CILP: variants seen among roughly 807,000 people sequenced by gnomAD.
CILP encodes the protein cartilage intermediate layer protein 1.
CILP carries 75 observed loss-of-function variants against 82.5 expected under a neutral mutation model. The ratio of observed to expected loss-of-function variants is 0.91; its 90% CI spans 0.75 to 1.10. CILP has a LOEUF of 1.10. CILP is among the 50% of genes least tolerant of loss of function. CILP has a pLI of 0.00. For synonymous variants in CILP, 530 were observed against 580.3 expected (o/e 0.91, Z 1.25); for missense variants, 1,479 against 1,530.8 (o/e 0.97, Z 0.56).
chr15:65,196,625 T>C lies in CILP; in HGVS notation c.*106A>G. ...GGCATGAAGAAACAAACAAGCAAAT[T>C]CACGAAAACAGAAGTGCTTAAATTA... On this transcript the variant is annotated 3_prime_UTR_variant, in exon 9 of 9. Coordinates refer to ENST00000261883, the MANE Select transcript of CILP (RefSeq NM_003613.4). 9.7e-7 allele frequency: 1 copy of C among 1,028,530 alleles called. No homozygotes were observed. 63.7% of individuals were successfully genotyped at this position (1,028,530 alleles called of 1,614,324 possible).
rs369616199 is a variant in CILP at position 65,197,875 on chromosome 15, T to C, written c.2411A>G (p.Asn804Ser). The C allele has an allele frequency of 1.9e-4, 303 of 1,613,576 alleles. No homozygotes were observed. The highest frequency in any genetic ancestry group is 5.0e-4 in the Middle Eastern group (3 of 6,058). Residue 804 changes from asparagine (N) to serine (S), a missense_variant, in exon 9 of 9, where the codon AAC becomes AGC. Transcript: ENST00000261883. ...GRFDSVITGP[N>S]GACVPAFCDD... Reference sequence around the variant, plus strand: ...ACAGAAGGCAGGCACACAGGCCCCGTTGGGGCCTGTGATGACACTGTCAAA... The same window carrying C: ...ACAGAAGGCAGGCACACAGGCCCCGCTGGGGCCTGTGATGACACTGTCAAA...
At position 65,198,214 on chromosome 15, in the gene CILP, TCTGGCATCTTGAC is replaced by T. The variant is rs2088401307; in HGVS notation, c.2059_2071del (p.Val687SerfsTer6). On this transcript the variant is annotated frameshift_variant, in exon 9 of 9. Transcript: ENST00000261883. LOFTEE classifies it high-confidence loss of function. ...CCAGAGTTTCACTGTGGATATGTGC[TCTGGCATCTTGAC>T]CTGGGTCGAGTCAAGGTGGACCTTC... The T allele has an allele frequency of 6.2e-7, 1 of 1,614,290 alleles. No homozygotes were observed. Among genetic ancestry groups the T allele is most frequent in the East Asian group, 2.2e-5 (1 of 44,892 alleles).
chr15:65,199,581 G>A (rs1479905131), intron 8 of CILP, among the ~76,000 whole-genome samples: 1 of 152,238 alleles, frequency 6.6e-6, no homozygotes, highest in African/African-American at 2.4e-5. Context: ...CCAACAATTT[G>A]GGAGGCCAAG....
In CILP at chr15:65,203,396, C is replaced by T; in HGVS notation, c.994G>A (p.Ala332Thr). The change falls in exon 7 of 9, where the codon GCC becomes ACC. Residue 332 changes from alanine (A) to threonine (T), a missense_variant. Transcript: ENST00000261883. Reference sequence around the variant, plus strand: ...TTGTCTGGCCTGGGCTTCCCTGTGGCCTTACAGCACAGAGACACGCTCTGC... The same window carrying T: ...TTGTCTGGCCTGGGCTTCCCTGTGGTCTTACAGCACAGAGACACGCTCTGC... Reference protein sequence around the residue: ...AGQSVSLCCKATGKPRPDKYF... With the variant: ...AGQSVSLCCKTTGKPRPDKYF... 1 of 1,613,388 alleles carries T rather than the reference C, an allele frequency of 6.2e-7. No homozygotes were observed. Among genetic ancestry groups the T allele is most frequent in the Non-Finnish European group, 8.5e-7 (1 of 1,179,918 alleles).
At chr15:65,202,238 C>T (rs532704767) in intron 7 of CILP, among the ~76,000 whole-genome samples, 1 of 152,298 alleles carries the variant, frequency 6.6e-6, no homozygotes, top group Admixed American at 6.5e-5. Flanking sequence ...ACGTACCTGG[C>T]TGGGGATGCT....
rs1388703025 is a variant in CILP at position 65,209,834 on chromosome 15, C to T, written c.-79G>A. On this transcript the variant is annotated 5_prime_UTR_variant, in exon 2 of 9. Coordinates refer to ENST00000261883, the MANE Select transcript of CILP (RefSeq NM_003613.4). ...GAGTCACTGACTCTGGAATGCGGTC[C>T]CCTGGGAAGTTTCTCAGATCCAGTG... The T allele has an allele frequency of 7.7e-7, 1 of 1,305,844 alleles. No homozygotes were observed. Among genetic ancestry groups the T allele is most frequent in the Non-Finnish European group, 1.1e-6 (1 of 908,220 alleles). The allele number at this position is 1,305,844 out of a possible 1,614,324, so 80.9% of individuals were successfully genotyped here. A position where few individuals can be genotyped will look rare whatever the true frequency, so the allele number is the denominator to read the frequency against.
In CILP at chr15:65,197,398, G is replaced by A. The variant is rs755224607; in HGVS notation, c.2888C>T (p.Pro963Leu). The change falls in exon 9 of 9, where the codon CCA (proline) becomes CTA (leucine). Residue 963 changes from proline to leucine, a missense_variant. Transcript: ENST00000261883. ...ACYIKVKIVG[P>L]LEVNVRSRNM... ...GCGGGATCGCACATTCACTTCCAGT[G>A]GCCCCACAATCTTCACCTTGATATA... is the stretch of plus-strand genomic sequence containing the variant. 6.2e-7 allele frequency: 1 copy of A among 1,614,228 alleles called. No homozygotes were observed. The highest frequency in any genetic ancestry group is 8.5e-7 in the Non-Finnish European group (1 of 1,180,044).
At position 65,201,878 on chromosome 15, in the gene CILP, C is replaced by A. The variant is rs2088459626; in HGVS notation, c.1180G>T (p.Val394Phe). Residue 394 changes from valine to phenylalanine, a missense_variant, in exon 8 of 9, where the codon GTC becomes TTC. Coordinates refer to ENST00000261883, the MANE Select transcript of CILP (RefSeq NM_003613.4). Reference sequence around the variant, plus strand: ...GGGACCCAGACAGGCTTACCTATGACAATCAGCTGGGCAACCTTGGACTTC... The same window carrying A: ...GGGACCCAGACAGGCTTACCTATGAAAATCAGCTGGGCAACCTTGGACTTC... ...AVKSKVAQLI[V>F]IASDETPCNP... 1.9e-6 allele frequency: 3 copies of A among 1,546,686 alleles called. No individual in the cohort carries two copies. In the East Asian group the frequency reaches 7.3e-5, roughly 38 times the overall value.
chr15:65,210,017 G>A (rs188717022), intron 1 of CILP, among the ~76,000 whole-genome samples, 156 bp from the exon 2 acceptor site: 3 of 152,304 alleles, frequency 2.0e-5, no homozygotes, highest in East Asian at 3.9e-4. Flanking sequence ...CTTGGGAGGT[G>A]CAGAGGCTCA....
At position 65,195,712 on chromosome 15, in the gene CILP, A is replaced by G. The variant is rs1456035992; in HGVS notation, c.*1019T>C. The G allele has an allele frequency of 6.6e-6, 1 of 152,226 alleles. No individual in the cohort carries two copies. The highest frequency in any genetic ancestry group is 1.5e-5 in the Non-Finnish European group (1 of 68,046). 9.4% of individuals were successfully genotyped at this position (152,226 alleles called of 1,614,324 possible). A position where few individuals can be genotyped will look rare whatever the true frequency, so the allele number is the denominator to read the frequency against. ...AGCTTGTCAGACCCTGGGCCAAGCCATTGTATAAGCTCCAAAGTATTGGAA... is the reference window on the plus strand; with the variant it reads ...AGCTTGTCAGACCCTGGGCCAAGCCGTTGTATAAGCTCCAAAGTATTGGAA... On this transcript the variant is annotated 3_prime_UTR_variant, in exon 9 of 9. Coordinates refer to ENST00000261883, the MANE Select transcript of CILP (RefSeq NM_003613.4).
At chr15:65,208,657 C>G (rs991486919) in intron 2 of CILP, among the ~76,000 whole-genome samples, 2 of 152,180 alleles carry the variant, frequency 1.3e-5, no homozygotes, top group Non-Finnish European at 2.9e-5. Flanking sequence ...GGGCCACAAG[C>G]AGTTCCAGCT....
intron 7 of CILP, among the ~76,000 whole-genome samples, chr15:65,202,230 G>A (rs1321729509): frequency 1.3e-5 from 2 of 152,074 alleles, no homozygotes; most frequent in Non-Finnish European, 2.9e-5. Context: ...GCCCTACCAC[G>A]TACCTGGCTG....
chr15:65,209,804 TCA>T lies in CILP; in HGVS notation c.-51_-50del, dbSNP rs754961037. The T allele has an allele frequency of 6.4e-7, 1 of 1,555,372 alleles. No individual in the cohort carries two copies. Among genetic ancestry groups the T allele is most frequent in the South Asian group, 1.1e-5 (1 of 89,838 alleles). Reference sequence around the variant, plus strand: ...GTGGCAAGAGGTAGATGTGGGTGCTTCACAGAGTCACTGACTCTGGAATGCGG... The same window carrying T: ...GTGGCAAGAGGTAGATGTGGGTGCTTCAGAGTCACTGACTCTGGAATGCGG... On this transcript the variant is annotated 5_prime_UTR_variant, in exon 2 of 9. Transcript: ENST00000261883.
intron 6 of CILP, 41 bp from the exon 7 acceptor site, chr15:65,203,511 T>C: frequency 6.8e-7 from 1 of 1,473,292 alleles, no homozygotes; most frequent in South Asian, 1.1e-5. Context: ...GGTTTTTGTG[T>C]GTGTGTGTGA....
chr15:65,208,007 G>A (rs963820035), intron 2 of CILP, among the ~76,000 whole-genome samples: 41 of 152,178 alleles, frequency 2.7e-4, no homozygotes, highest in Non-Finnish European at 5.9e-5. Flanking sequence ...CATTATTCAG[G>A]TGATAATGAA....
rs1415362136 is a variant in CILP at position 65,194,860 on chromosome 15, C to G, written c.*1871G>C. 1.4e-5 allele frequency: 2 copies of G among 144,712 alleles called. No individual in the cohort carries two copies. The highest frequency in any genetic ancestry group is 4.1e-4 in the East Asian group (2 of 4,828). The allele number at this position is 144,712 out of a possible 1,614,324, so 9.0% of individuals were successfully genotyped here. ...AGCCCACCTTCCCCAGCAACCCACC[C>G]CCCCCCGACCCTCCCCCTCCCCCCG... is the stretch of plus-strand genomic sequence containing the variant. On this transcript the variant is annotated 3_prime_UTR_variant, in exon 9 of 9. Coordinates refer to ENST00000261883, the MANE Select transcript of CILP (RefSeq NM_003613.4).
chr15:65,202,585 G>A (rs769528800), intron 7 of CILP, among the ~76,000 whole-genome samples: 5 of 151,612 alleles, frequency 3.3e-5, no homozygotes, highest in Non-Finnish European at 4.4e-5. Context: ...GCACCACCAC[G>A]CCCAGCTAAT....
At chr15:65,202,108 C>A in intron 7 of CILP, 79 bp from the exon 8 acceptor site, 1 of 1,236,946 alleles carries the variant, frequency 8.1e-7, no homozygotes, top group East Asian at 2.8e-5. Context: ...GAGCAGGCAG[C>A]CAAGGAGACA....
Position 65,206,902 on chromosome 15 carries a change from C to G in CILP, c.304G>C (p.Ala102Pro). ...LEARTTDWTP[A>P]GSTGQVVHGS... ...TGGACCACCTGGCCAGTGCTGCCCG[C>G]AGGTGTCCAGTCAGTGGTCCGAGCC... The change falls in exon 4 of 9, where the codon GCG (alanine) becomes CCG (proline). Residue 102 changes from alanine to proline, a missense_variant. Transcript: ENST00000261883. 6.2e-7 allele frequency: 1 copy of G among 1,613,914 alleles called. No homozygotes were observed. Among genetic ancestry groups the G allele is most frequent in the Non-Finnish European group, 8.5e-7 (1 of 1,180,024 alleles).
Sources: gnomAD v4.1 joint callset for allele counts (sites outside exome capture counted in the v4.1 genomes callset) on GRCh38, gnomAD v4.1.1 for gene constraint, MANE v1.5 for transcripts, NCBI Gene and HGNC (gene_info 2026-07-23, HGNC 2026-07-21) for gene names.